Variants in MUC12 observed in about 807,000 individuals in gnomAD.
MUC12 encodes the protein mucin-12.
MUC12 carries 172 observed loss-of-function variants against 230.8 expected under a neutral mutation model. The ratio of observed to expected loss-of-function variants is 0.75; its 90% CI spans 0.66 to 0.85. MUC12 has a LOEUF of 0.85. MUC12 is among the 40% of genes least tolerant of loss of function. The pLI, the probability that MUC12 is intolerant of heterozygous loss-of-function variation, is 0.00. For missense variants in MUC12, 3,506 were observed against 5,920.6 expected, an observed-to-expected ratio of 0.59 and a Z score of 13.38; for synonymous variants, 1,259 against 2,401.9, an observed-to-expected ratio of 0.52 and a Z score of 13.91.
Position 100,990,795 on chromosome 7 carries a change from A to G in MUC12, c.232A>G (p.Ser78Gly), listed in dbSNP as rs1448939737. ...FLDSSTNSGH[S>G]EESTVSHSGP... ...TGACAGCTCCACAAACTCAGGCCAC[A>G]GTGAGGAATCAACAGTATCCCACAG... The change falls in exon 2 of 12, where the codon AGT becomes GGT. Residue 78 changes from serine to glycine, a missense_variant. By Grantham distance (56) the Ser-to-Gly change is moderately conservative (BLOSUM62 0). Coordinates refer to ENST00000536621, the MANE Select transcript of MUC12 (RefSeq NM_001164462.2). 5.1e-5 allele frequency: 79 copies of G among 1,537,726 alleles called. No individual in the cohort carries two copies. Among genetic ancestry groups the G allele is most frequent in the Non-Finnish European group, 6.6e-5 (76 of 1,147,046 alleles).
chr7:100,970,610 TC>T (rs1792857448), intron 1 of MUC12, among the ~76,000 whole-genome samples: 1 of 152,062 alleles, frequency 6.6e-6, no homozygotes, highest in African/African-American at 2.4e-5. Flanking sequence ...TTGCAGGGTC[TC>T]GCCTGCAATC....
chr7:101,017,319 C>A (rs1793946466), intron 10 of MUC12: 4 of 452,812 alleles, frequency 8.8e-6, no homozygotes, highest in Non-Finnish European at 1.6e-5. Flanking sequence ...TCCTCCGTGG[C>A]CCCCGCTTCC....
At chr7:101,006,709 G>A (rs1584844938) in intron 3 of MUC12, 137 bp downstream of exon 3, 3 of 646,578 alleles carry the variant, frequency 4.6e-6, no homozygotes, top group Middle Eastern at 3.1e-4. Flanking sequence ...ACACTGTAGG[G>A]AGAACATGAA....
rs759323975 is a variant in MUC12 at position 101,004,654 on chromosome 7, C to G, written c.14091C>G (p.Pro4697=). The change falls in exon 2 of 12, where the codon CCC becomes CCG. Residue 4697 remains proline, a synonymous_variant. Transcript: ENST00000536621. ...GCCCAGATACAAATGGAATCACACC[C>G]TTACCTGCCCATTTTACTACCTCAG... ...HSSPDTNGIT[P]LPAHFTTSGR... is the part of the protein sequence containing the mutation. 1 of 1,537,412 alleles carries G rather than the reference C, an allele frequency of 6.5e-7. No homozygotes were observed. The highest frequency in any genetic ancestry group is 8.7e-7 in the Non-Finnish European group (1 of 1,146,634).
chr7:101,007,359 T>G (rs1423865679), intron 3 of MUC12, among the ~76,000 whole-genome samples: 4 of 152,194 alleles, frequency 2.6e-5, no homozygotes, highest in Non-Finnish European at 5.9e-5. Flanking sequence ...CTATACATTT[T>G]TTGTACCCAT....
In MUC12 at chr7:101,014,095, C is replaced by G. The variant is rs887700687; in HGVS notation, c.15800+21C>G. On this transcript the variant is annotated intron_variant, in intron 9 of 11. Transcript: ENST00000536621. ...CACAGGTGAGCTTGTGAGGCCAGCA[C>G]CGCAGGCCCACACAGAGGGGACAGA... The G allele has an allele frequency of 4.6e-6, 7 of 1,515,962 alleles. No homozygotes were observed. In the African/African-American group the frequency reaches 8.2e-5, roughly 18 times the overall value. 93.9% of individuals were successfully genotyped at this position (1,515,962 alleles called of 1,614,324 possible).
chr7:100,989,463 C>A (rs115172636), intron 1 of MUC12, among the ~76,000 whole-genome samples: 2,210 of 151,966 alleles, frequency 0.015, 51 homozygotes, highest in African/African-American at 0.05. Flanking sequence ...GTAAACCAGA[C>A]AATATAAGGT....
chr7:101,004,553 T>C lies in MUC12; in HGVS notation c.13990T>C (p.Ser4664Pro). Residue 4664 changes from serine (S) to proline (P), a missense_variant, in exon 2 of 12, where the codon TCA becomes CCA. Physicochemically the swap from Ser to Pro is moderately conservative, Grantham distance 74. Coordinates refer to ENST00000536621, the MANE Select transcript of MUC12 (RefSeq NM_001164462.2). ...EPTSYHSSPG[S>P]IATTHFPESS... ...TACCAGCTACCACAGCAGCCCGGGC[T>C]CAATTGCAACAACACACTTTCCTGA... is the stretch of plus-strand genomic sequence containing the variant. 1 of 1,536,522 alleles carries C rather than the reference T, an allele frequency of 6.5e-7. No homozygotes were observed. The highest frequency in any genetic ancestry group is 8.7e-7 in the Non-Finnish European group (1 of 1,146,718).
intron 9 of MUC12, among the ~76,000 whole-genome samples, chr7:101,014,981 GA>G (rs1302406637): frequency 1.3e-5 from 2 of 151,964 alleles, no homozygotes; most frequent in Non-Finnish European, 2.9e-5. Flanking sequence ...ACCCACTTTT[GA>G]GATAATGATG....
At chr7:100,971,453 C>T (rs1232441385) in intron 1 of MUC12, among the ~76,000 whole-genome samples, 1 of 152,292 alleles carries the variant, frequency 6.6e-6, no homozygotes, top group Non-Finnish European at 1.5e-5. Flanking sequence ...CCCTGCAGGA[C>T]ACCTTCGAGG....
chr7:101,014,789 T>C (rs1793891328), intron 9 of MUC12, among the ~76,000 whole-genome samples: 1 of 144,358 alleles, frequency 6.9e-6, no homozygotes, highest in Non-Finnish European at 1.6e-5. Context: ...TAAATTAAAT[T>C]AAATTAAATT....
chr7:101,008,523 C>T lies in MUC12; in HGVS notation c.15059-111C>T, dbSNP rs560935882. The stretch of plus-strand genomic sequence containing the variant: ...AGACAGGGAACAGTGACCCCACCTT[C>T]CTCTTAAGTTTCTTTCACCTTCAAG... On this transcript the variant is annotated intron_variant, in intron 3 of 11. Coordinates refer to ENST00000536621, the MANE Select transcript of MUC12 (RefSeq NM_001164462.2). 367 of 1,387,264 alleles carry T rather than the reference C, an allele frequency of 2.6e-4. 2 individuals are homozygous for T. The highest frequency in any genetic ancestry group is 2.9e-4 in the Non-Finnish European group (304 of 1,050,620). The allele number at this position is 1,387,264 out of a possible 1,614,324, so 85.9% of individuals were successfully genotyped here. A position where few individuals can be genotyped will look rare whatever the true frequency, so the allele number is the denominator to read the frequency against.
At chr7:100,981,396 G>A in intron 1 of MUC12, 1 of 646,450 alleles carries the variant, frequency 1.5e-6, no homozygotes, top group Non-Finnish European at 2.8e-6. Flanking sequence ...GCTTGGTGGA[G>A]TTTGCTAGCC....
At chr7:100,986,950 G>A (rs565541677) in intron 1 of MUC12, among the ~76,000 whole-genome samples, 1 of 152,008 alleles carries the variant, frequency 6.6e-6, no homozygotes, top group Admixed American at 6.6e-5. Context: ...GAAAGCCAGG[G>A]ATTATATGTC....
chr7:100,995,599 C>T lies in MUC12; in HGVS notation c.5036C>T (p.Ser1679Phe). The part of the protein sequence containing the change: ...SPHTTLSPAG[S>F]TTRQGESTTF... Reference sequence around the variant, plus strand: ...CACACAACACTGTCCCCTGCCGGCTCTACAACACGTCAGGGAGAATCTACC... The same window carrying T: ...CACACAACACTGTCCCCTGCCGGCTTTACAACACGTCAGGGAGAATCTACC... Residue 1679 changes from serine to phenylalanine, a missense_variant, in exon 2 of 12, where the codon TCT becomes TTT. By Grantham distance (155) the Ser-to-Phe change is radical. Coordinates refer to ENST00000536621, the MANE Select transcript of MUC12 (RefSeq NM_001164462.2). 1 of 1,536,962 alleles carries T rather than the reference C, an allele frequency of 6.5e-7. No individual in the cohort carries two copies.
chr7:101,015,351 AG>A (rs1793899707), intron 9 of MUC12: 1 of 485,684 alleles, frequency 2.1e-6, no homozygotes, highest in African/African-American at 2.0e-5. Flanking sequence ...AACTGAAGGG[AG>A]CTACCCTACG....
At chr7:100,975,298 G>A (rs1793007528) in intron 1 of MUC12, among the ~76,000 whole-genome samples, 1 of 152,312 alleles carries the variant, frequency 6.6e-6, no homozygotes. Context: ...TGTCTGCCCT[G>A]GAGGGGCGGG....
chr7:101,003,760 C>A lies in MUC12; in HGVS notation c.13197C>A (p.Arg4399=). The A allele has an allele frequency of 1.3e-6, 2 of 1,505,870 alleles. No individual in the cohort carries two copies. Among genetic ancestry groups the A allele is most frequent in the East Asian group, 4.9e-5 (2 of 40,470 alleles). The allele number at this position is 1,505,870 out of a possible 1,614,324, so 93.3% of individuals were successfully genotyped here. A position where few individuals can be genotyped will look rare whatever the true frequency, so the allele number is the denominator to read the frequency against. The stretch of plus-strand genomic sequence containing the variant: ...CTGCAACAACACCCTCGCCTGCCCG[C>A]TCCACAACCTCAGGCCTCGTTGAAG... ...VATATTPSPA[R]STTSGLVEES... is the part of the protein sequence containing the mutation. Residue 4399 remains arginine (R), a synonymous_variant, in exon 2 of 12, where the codon CGC becomes CGA. Coordinates refer to ENST00000536621, the MANE Select transcript of MUC12 (RefSeq NM_001164462.2).
intron 1 of MUC12, among the ~76,000 whole-genome samples, chr7:100,984,067 AT>A (rs1793149731): frequency 6.6e-6 from 1 of 152,078 alleles, no homozygotes; most frequent in Admixed American, 6.6e-5. Context: ...CGGGGGGTAC[AT>A]CTACCTTTGA....
Sources: gnomAD v4.1 joint callset for allele counts (sites outside exome capture counted in the v4.1 genomes callset) on GRCh38, gnomAD v4.1.1 for gene constraint, MANE v1.5 for transcripts, NCBI Gene and HGNC (gene_info 2026-07-23, HGNC 2026-07-21) for gene names.